The following NEDD1 variants were observed in gnomAD, a reference collection of about 807,000 sequenced individuals.
NEDD1 encodes NEDD1 gamma-tubulin ring complex targeting factor.
In NEDD1, 33 loss-of-function variants were observed where a neutral mutation model predicts 74.0. The ratio of observed to expected loss-of-function variants is 0.45; its 90% CI spans 0.34 to 0.60. The LOEUF (loss-of-function observed/expected upper bound fraction) is 0.60, where lower values mean the gene tolerates loss of function less well. Among genes scored for constraint, NEDD1 ranks in the 20% least tolerant of loss-of-function variants. NEDD1 has a pLI of 0.01. For synonymous variants in NEDD1, 250 were observed against 264.4 expected (o/e 0.95, Z 0.53); for missense variants, 746 against 776.5 (o/e 0.96, Z 0.47).
chr12:96,935,228 T>A (rs1309195522), intron 7 of NEDD1, 23 bp downstream of exon 7: 1 of 1,290,442 alleles, frequency 7.7e-7, no homozygotes, highest in East Asian at 2.3e-5. Context: ...TGCTTATTTC[T>A]TAATTTAGTA....
At chr12:96,915,396 T>C (rs1178186221) in intron 4 of NEDD1, among the ~76,000 whole-genome samples, 1 of 152,206 alleles carries the variant, frequency 6.6e-6, no homozygotes. Flanking sequence ...GGGGATCATA[T>C]GCACCCTTTA....
In NEDD1 at chr12:96,916,546, G is replaced by A. The variant is rs565682664; in HGVS notation, c.232-1075G>A. ...TTGCGATAGTTTACTGAGAATGATG[G>A]TTTCCAATTTCATCCATGTCCCTAC... On this transcript the variant is annotated intron_variant, in intron 4 of 15. Coordinates refer to ENST00000266742, the MANE Select transcript of NEDD1 (RefSeq NM_152905.4). Among the ~76,000 whole-genome samples the A allele has an allele frequency of 1.5e-4, 22 of 142,758 alleles. No homozygotes were observed. The South Asian group carries it at 3.0e-3, about 20-fold the overall frequency. 93.7% of individuals were successfully genotyped at this position (142,758 alleles called of 152,430 possible). A position where few individuals can be genotyped will look rare whatever the true frequency, so the allele number is the denominator to read the frequency against.
At chr12:96,940,584 T>C in intron 10 of NEDD1, 47 bp downstream of exon 10, 1 of 1,418,284 alleles carries the variant, frequency 7.1e-7, no homozygotes, top group Non-Finnish European at 9.7e-7. Flanking sequence ...AGTTAATATT[T>C]TTATTCTGGC....
Position 96,941,562 on chromosome 12 carries a change from G to C in NEDD1, c.1247-1015G>C, listed in dbSNP as rs1877664143. Among the ~76,000 whole-genome samples the C allele has an allele frequency of 3.9e-5, 6 of 152,080 alleles. No individual in the cohort carries two copies. The South Asian group carries it at 1.2e-3, about 31-fold the overall frequency. Reference sequence around the variant, plus strand: ...AAACAGAGGGACGGATGTAGGTGGAGAGAAAAGTGACTAGTGCTGGAGTTG... The same window carrying C: ...AAACAGAGGGACGGATGTAGGTGGACAGAAAAGTGACTAGTGCTGGAGTTG... On this transcript the variant is annotated intron_variant, in intron 10 of 15. Transcript: ENST00000266742.
At chr12:96,918,878 C>G (rs1281477676) in intron 5 of NEDD1, among the ~76,000 whole-genome samples, 1 of 152,090 alleles carries the variant, frequency 6.6e-6, no homozygotes, top group African/African-American at 2.4e-5. Flanking sequence ...TTCTTTTCAT[C>G]AAACATTTTT....
chr12:96,916,651 A>C (rs934508788), intron 4 of NEDD1, among the ~76,000 whole-genome samples: 2 of 149,654 alleles, frequency 1.3e-5, no homozygotes, highest in African/African-American at 4.9e-5. Flanking sequence ...AATCCAGTCT[A>C]TCATTGTTGG....
At chr12:96,925,043 T>G (rs975313747) in intron 6 of NEDD1, 1 of 272,290 alleles carries the variant, frequency 3.7e-6, no homozygotes, top group African/African-American at 2.3e-5. Context: ...CTCCTATAAT[T>G]CATATTTATT....
chr12:96,910,015 A>G, intron 3 of NEDD1, 120 bp downstream of exon 3: 1 of 1,013,216 alleles, frequency 9.9e-7, no homozygotes. Context: ...TTGCATTGCT[A>G]CCAAGGATAG....
At chr12:96,935,898 A>C (rs1003415392) in intron 7 of NEDD1, among the ~76,000 whole-genome samples, 1 of 152,116 alleles carries the variant, frequency 6.6e-6, no homozygotes, top group African/African-American at 2.4e-5. Context: ...TCTGTAGATC[A>C]TGTGGAGTAT....
chr12:96,941,592 A>G (rs1877667982), intron 10 of NEDD1, among the ~76,000 whole-genome samples: 1 of 152,090 alleles, frequency 6.6e-6, no homozygotes. Flanking sequence ...GAGTTGAGAA[A>G]GGTTTCTGGG....
chr12:96,940,775 T>A (rs1252870813), intron 10 of NEDD1, among the ~76,000 whole-genome samples: 2 of 152,068 alleles, frequency 1.3e-5, no homozygotes, highest in Non-Finnish European at 2.9e-5. Context: ...AGCATTTTAA[T>A]TTCCACAAAA....
intron 14 of NEDD1, 60 bp from the exon 15 acceptor site, chr12:96,951,372 G>T (rs1446562630): frequency 5.5e-6 from 5 of 912,660 alleles, no homozygotes; most frequent in South Asian, 1.6e-5. Context: ...TGAGTTTCTT[G>T]AATGACCTAG....
Position 96,952,527 on chromosome 12 carries a change from C to T in NEDD1, c.*474C>T, listed in dbSNP as rs1421894711. On this transcript the variant is annotated 3_prime_UTR_variant, in exon 16 of 16. Transcript: ENST00000266742. Reference sequence around the variant, plus strand: ...GTTTCTAAGCCATTGACTAATAAAACATAGGGTTGGCTAGTAATTATTTTG... The same window carrying T: ...GTTTCTAAGCCATTGACTAATAAAATATAGGGTTGGCTAGTAATTATTTTG... The T allele has an allele frequency of 6.6e-6, 1 of 151,942 alleles. No individual in the cohort carries two copies. Among genetic ancestry groups the T allele is most frequent in the African/African-American group, 2.4e-5 (1 of 41,394 alleles). 9.4% of individuals were successfully genotyped at this position (151,942 alleles called of 1,614,324 possible). A position where few individuals can be genotyped will look rare whatever the true frequency, so the allele number is the denominator to read the frequency against.
At chr12:96,940,299 A>G in intron 9 of NEDD1, 110 bp from the exon 10 acceptor site, 1 of 553,630 alleles carries the variant, frequency 1.8e-6, no homozygotes, top group Non-Finnish European at 3.1e-6. Flanking sequence ...TTATGCTCAT[A>G]GTTGTAATAT....
rs571484998 is a variant in NEDD1, at chr12:96,950,295, G to A, written c.1812-1137G>A. Reference sequence around the variant, plus strand: ...TAATACTAAGTCTTGATGATATAGAGCAAGAAGAACTCTGTTATACTGGTG... The same window carrying A: ...TAATACTAAGTCTTGATGATATAGAACAAGAAGAACTCTGTTATACTGGTG... On this transcript the variant is annotated intron_variant, in intron 14 of 15. Transcript: ENST00000266742. 2.0e-5 allele frequency among the ~76,000 whole-genome samples: 3 copies of A among 152,068 alleles called. No homozygotes were observed. In the East Asian group the frequency reaches 5.8e-4, roughly 29 times the overall value.
At chr12:96,943,030 A>C (rs896017979) in intron 11 of NEDD1, among the ~76,000 whole-genome samples, 1 of 152,024 alleles carries the variant, frequency 6.6e-6, no homozygotes, top group Non-Finnish European at 1.5e-5. Flanking sequence ...CTCTCTTAAG[A>C]TTATGTTAAT....
At chr12:96,913,702 G>A (rs558215293) in intron 4 of NEDD1, among the ~76,000 whole-genome samples, 1 of 152,076 alleles carries the variant, frequency 6.6e-6, no homozygotes, top group South Asian at 2.1e-4. Context: ...TAATCCCTCT[G>A]ATTAAGGATA....
chr12:96,919,937 G>C (rs1170936287), intron 5 of NEDD1, 48 bp from the exon 6 acceptor site: 1 of 1,392,664 alleles, frequency 7.2e-7, no homozygotes, highest in African/African-American at 1.4e-5. Context: ...AAAATGGGCT[G>C]TTCGAGGATT....
intron 6 of NEDD1, 115 bp from the exon 7 acceptor site, chr12:96,934,861 A>G (rs1565803316): frequency 4.3e-6 from 3 of 702,878 alleles, no homozygotes; most frequent in South Asian, 3.5e-5. Context: ...CTTACACATC[A>G]GAGAAATCCT....
Sources: allele counts gnomAD v4.1 joint callset (sites outside exome capture counted in the v4.1 genomes callset), GRCh38; gene constraint gnomAD v4.1.1; transcripts MANE v1.5; gene names NCBI Gene and HGNC (gene_info 2026-07-23, HGNC 2026-07-21).